Variants in NKAIN3 observed in about 807,000 individuals in gnomAD.
The protein encoded by NKAIN3 is sodium/potassium-transporting ATPase subunit beta-1-interacting protein 3.
In NKAIN3, 25 loss-of-function variants were observed where a neutral mutation model predicts 30.2. The observed-to-expected ratio is 0.83, with a 90% CI of 0.60 to 1.16. The LOEUF is 1.16. Ranked by LOEUF, NKAIN3 falls within the 50% of genes most tolerant of loss-of-function variation. The pLI is 0.00. For synonymous variants in NKAIN3, 91 were observed against 89.6 expected, an observed-to-expected ratio of 1.02 and a Z score of -0.09; for missense variants, 225 against 254.1, an observed-to-expected ratio of 0.89 and a Z score of 0.78.
chr8:62,547,697 A>G (rs1809062336), intron 1 of NKAIN3, among the ~76,000 whole-genome samples: 1 of 152,198 alleles, frequency 6.6e-6, no homozygotes, highest in African/African-American at 2.4e-5. Context: ...TCCAACTTCC[A>G]GCAGCATTTA....
intron 1 of NKAIN3, among the ~76,000 whole-genome samples, chr8:62,458,991 G>C (rs1805904575): frequency 6.6e-6 from 1 of 151,284 alleles, no homozygotes; most frequent in Non-Finnish European, 1.5e-5. Flanking sequence ...TGACTGATAG[G>C]ATGAAAGATT....
At chr8:62,739,822 A>C (rs147553527) in intron 3 of NKAIN3, among the ~76,000 whole-genome samples, 7 of 152,312 alleles carry the variant, frequency 4.6e-5, no homozygotes, top group African/African-American at 1.4e-4. Context: ...GATCAAAATG[A>C]TCAGTGGCCA....
intron 4 of NKAIN3, among the ~76,000 whole-genome samples, chr8:62,878,634 G>A (rs1820874950): frequency 6.6e-6 from 1 of 151,442 alleles, no homozygotes; most frequent in Non-Finnish European, 1.5e-5. Context: ...TTAACATTAG[G>A]TATATCTCCT....
intron 1 of NKAIN3, among the ~76,000 whole-genome samples, chr8:62,452,621 T>A (rs1470863205): frequency 6.6e-6 from 1 of 152,110 alleles, no homozygotes; most frequent in Non-Finnish European, 1.5e-5. Flanking sequence ...GAGAAGGAGT[T>A]CAGAAATGAA....
intron 5 of NKAIN3, among the ~76,000 whole-genome samples, chr8:62,926,407 C>G (rs925462541): frequency 6.6e-6 from 1 of 152,194 alleles, no homozygotes; most frequent in East Asian, 1.9e-4. Context: ...CACTTCTGCA[C>G]GTCTGTCCCT....
chr8:62,368,186 C>A (rs1031218060), intron 1 of NKAIN3, among the ~76,000 whole-genome samples: 1 of 152,092 alleles, frequency 6.6e-6, no homozygotes, highest in African/African-American at 2.4e-5. Flanking sequence ...CTGTCAAAAT[C>A]CCAATGATAT....
chr8:62,280,560 A>C (rs1813143830), intron 1 of NKAIN3, among the ~76,000 whole-genome samples: 1 of 152,044 alleles, frequency 6.6e-6, no homozygotes, highest in African/African-American at 2.4e-5. Context: ...GCGATACCTG[A>C]TTTATTGGTA....
At chr8:62,284,396 G>A (rs1232352621) in intron 1 of NKAIN3, among the ~76,000 whole-genome samples, 1 of 152,048 alleles carries the variant, frequency 6.6e-6, no homozygotes, top group Non-Finnish European at 1.5e-5. Flanking sequence ...TTGGGAGGTC[G>A]AGGGCAGATC....
chr8:62,829,488 C>T (rs1414676026), intron 4 of NKAIN3, among the ~76,000 whole-genome samples: 1 of 151,872 alleles, frequency 6.6e-6, no homozygotes, highest in African/African-American at 2.4e-5. Context: ...TAGAGAGGTC[C>T]CTGAAGTGGG....
rs576757274 is a variant in NKAIN3 at position 62,972,883 on chromosome 8, T to C, written c.*7476T>C. Among the ~76,000 whole-genome samples, 10 of 150,642 alleles carry C rather than the reference T, an allele frequency of 6.6e-5. No homozygotes were observed. In the South Asian group the frequency reaches 1.9e-3, roughly 29 times the overall value. On this transcript the variant is annotated 3_prime_UTR_variant, in exon 7 of 7. Transcript: ENST00000623646. ...ATGTTCCCCTCCCTGTGCCCATATG[T>C]TCTCATTGTTCAACTCCCACTTAAG...
At chr8:62,813,642 T>C (rs887791501) in intron 4 of NKAIN3, among the ~76,000 whole-genome samples, 1 of 151,984 alleles carries the variant, frequency 6.6e-6, no homozygotes, top group African/African-American at 2.4e-5. Flanking sequence ...TTTTATATAC[T>C]CTTTGTTCCT....
At chr8:62,940,150 TAA>T (rs34706177) in intron 5 of NKAIN3, among the ~76,000 whole-genome samples, 5 of 145,424 alleles carry the variant, frequency 3.4e-5, no homozygotes, top group African/African-American at 1.3e-4. Flanking sequence ...CAACAACAGT[TAA>T]AAAAAAAAAA....
At chr8:62,576,717 G>A (rs996171901) in intron 1 of NKAIN3, among the ~76,000 whole-genome samples, 1 of 152,050 alleles carries the variant, frequency 6.6e-6, no homozygotes, top group African/African-American at 2.4e-5. Context: ...TAAGTTCACT[G>A]ACCATAGAAT....
At chr8:62,294,833 C>T (rs927883847) in intron 1 of NKAIN3, among the ~76,000 whole-genome samples, 1 of 152,182 alleles carries the variant, frequency 6.6e-6, no homozygotes, top group African/African-American at 2.4e-5. Flanking sequence ...GTGTGAGTCA[C>T]TGCACCTGGC....
In NKAIN3 at chr8:62,401,154, T is replaced by G. The variant is rs141061294; in HGVS notation, c.54+152027T>G. On this transcript the variant is annotated intron_variant, in intron 1 of 6. Coordinates refer to ENST00000623646, the MANE Select transcript of NKAIN3 (RefSeq NM_001304533.3). ...TCTTTTGTCTTCTCTGTCTGTGTAT[T>G]TTCACATAGCCTCTCTTCAAATTCA... 3.6e-4 allele frequency among the ~76,000 whole-genome samples: 55 copies of G among 152,156 alleles called. 2 individuals are homozygous for G. The East Asian group carries it at 8.5e-3, about 24-fold the overall frequency.
chr8:62,410,072 A>G (rs977404813), intron 1 of NKAIN3, among the ~76,000 whole-genome samples: 6 of 152,136 alleles, frequency 3.9e-5, no homozygotes, highest in Non-Finnish European at 8.8e-5. Flanking sequence ...ATAGTACCCA[A>G]TAGGTAATTT....
intron 3 of NKAIN3, among the ~76,000 whole-genome samples, chr8:62,717,192 A>T (rs1345098204): frequency 1.3e-5 from 2 of 152,220 alleles, no homozygotes; most frequent in African/African-American, 4.8e-5. Flanking sequence ...TCAGTAAGTA[A>T]TCATGTGGCT....
chr8:62,855,646 G>T (rs1820040057), intron 4 of NKAIN3: 13 of 1,604,216 alleles, frequency 8.1e-6, no homozygotes, highest in Non-Finnish European at 1.0e-5. Context: ...AGGCCTCCAG[G>T]TTCCTGAAGT....
chr8:62,249,104 A>C lies in NKAIN3; in HGVS notation c.31A>C (p.Ile11Leu). 1.3e-6 allele frequency: 2 copies of C among 1,539,152 alleles called. No homozygotes were observed. The highest frequency in any genetic ancestry group is 1.7e-6 in the Non-Finnish European group (2 of 1,144,136). Residue 11 changes from isoleucine to leucine, a missense_variant, in exon 1 of 7, where the codon ATC becomes CTC. Transcript: ENST00000623646. MGCCTGRCSL[I>L]CLCALQLVSA... Reference sequence around the variant, plus strand: ...CTGCTGCACCGGACGCTGCTCGCTCATCTGCCTCTGCGCGCTGCAGTTGGT... The same window carrying C: ...CTGCTGCACCGGACGCTGCTCGCTCCTCTGCCTCTGCGCGCTGCAGTTGGT...
Sources: gnomAD v4.1 joint callset for allele counts (sites outside exome capture counted in the v4.1 genomes callset) on GRCh38, gnomAD v4.1.1 for gene constraint, MANE v1.5 for transcripts, NCBI Gene and HGNC (gene_info 2026-07-23, HGNC 2026-07-21) for gene names.